The following SLIT3 variants were observed in gnomAD, a reference collection of about 807,000 sequenced individuals.
SLIT3 encodes the protein slit guidance ligand 3, also known as slit homolog 3 protein.
SLIT3 carries 68 observed loss-of-function variants against 184.0 expected under a neutral mutation model. That is an observed-to-expected ratio of 0.37 (90% confidence interval 0.30 to 0.45). The LOEUF (loss-of-function observed/expected upper bound fraction) is 0.45. Ranked by LOEUF, SLIT3 falls within the 20% of genes least tolerant of loss-of-function variation. The pLI is 1.00. For synonymous variants in SLIT3, 831 were observed against 828.6 expected (o/e 1.00, Z -0.05); for missense variants, 1,707 against 2,026.0 (o/e 0.84, Z 3.02).
At chr5:168,875,289 A>G (rs1759691048) in intron 5 of SLIT3, among the ~76,000 whole-genome samples, 1 of 151,556 alleles carries the variant, frequency 6.6e-6, no homozygotes, top group South Asian at 2.1e-4. Flanking sequence ...ACAGGAAAGA[A>G]GGGAGGGAGA....
rs577099759 is a variant in SLIT3 at position 169,082,994 on chromosome 5, A to G, written c.413+110485T>C. Among the ~76,000 whole-genome samples the G allele has an allele frequency of 4.6e-5, 7 of 152,258 alleles. No homozygotes were observed. The South Asian group carries it at 1.2e-3, about 27-fold the overall frequency. ...TCCAAAGCAAATAAAGTGATCACAG[A>G]ATCTGAAACACTGATCTTTATTAAA... On this transcript the variant is annotated intron_variant, in intron 4 of 35. Coordinates refer to ENST00000519560, the MANE Select transcript of SLIT3 (RefSeq NM_003062.4).
At chr5:168,947,731 G>T (rs1762526997) in intron 4 of SLIT3, among the ~76,000 whole-genome samples, 1 of 152,164 alleles carries the variant, frequency 6.6e-6, no homozygotes, top group South Asian at 2.1e-4. Context: ...CAAGGGCTGG[G>T]GCTGGGCAAT....
intron 4 of SLIT3, among the ~76,000 whole-genome samples, chr5:168,889,824 T>C (rs1760376466): frequency 6.6e-6 from 1 of 152,122 alleles, no homozygotes; most frequent in Non-Finnish European, 1.5e-5. Flanking sequence ...CTTCTACAAA[T>C]ATAAAATAAA....
chr5:169,177,884 A>G (rs1763032734), intron 4 of SLIT3, among the ~76,000 whole-genome samples: 1 of 152,152 alleles, frequency 6.6e-6, no homozygotes, highest in African/African-American at 2.4e-5. Flanking sequence ...CAACAGCAGG[A>G]TGGAATCCTT....
chr5:168,749,053 G>A (rs138700985), intron 19 of SLIT3, among the ~76,000 whole-genome samples: 1 of 152,304 alleles, frequency 6.6e-6, no homozygotes, highest in Non-Finnish European at 1.5e-5. Flanking sequence ...CAGGAAGACT[G>A]AGGCCAGGGC....
chr5:168,682,930 A>T (rs972271306), intron 32 of SLIT3, among the ~76,000 whole-genome samples: 2 of 152,078 alleles, frequency 1.3e-5, no homozygotes, highest in Admixed American at 6.6e-5. Context: ...TTTTATTACT[A>T]TTATAAAAAT....
At chr5:168,739,435 T>C (rs888987663) in intron 20 of SLIT3, among the ~76,000 whole-genome samples, 1 of 151,678 alleles carries the variant, frequency 6.6e-6, no homozygotes, top group Non-Finnish European at 1.5e-5. Flanking sequence ...TCTTTTTTTT[T>C]TTTTTGAGAT....
At chr5:168,833,034 T>TA (rs1304219624) in intron 6 of SLIT3, among the ~76,000 whole-genome samples, 8 of 152,246 alleles carry the variant, frequency 5.3e-5, no homozygotes. Flanking sequence ...AGTGATGAAT[T>TA]ATCTTTAAAT....
Position 168,707,965 on chromosome 5 carries a change from C to T in SLIT3, c.2844+11G>A, listed in dbSNP as rs1762427509. On this transcript the variant is annotated intron_variant, in intron 26 of 35. Coordinates refer to ENST00000519560, the MANE Select transcript of SLIT3 (RefSeq NM_003062.4). ...AGGCATGAACACGGGGGGGCAGGGC[C>T]TCCAGCATACCTTGTAGCTGTAGGG... 2 of 1,613,934 alleles carry T rather than the reference C, an allele frequency of 1.2e-6. No homozygotes were observed. The highest frequency in any genetic ancestry group is 1.3e-5 in the African/African-American group (1 of 74,938).
At chr5:169,229,718 T>C (rs1764933652) in intron 3 of SLIT3, among the ~76,000 whole-genome samples, 1 of 151,820 alleles carries the variant, frequency 6.6e-6, no homozygotes. Context: ...AGAGGAGCAG[T>C]GCTGAAATCA....
chr5:169,074,924 G>T (rs931344563), intron 4 of SLIT3, among the ~76,000 whole-genome samples: 1 of 152,096 alleles, frequency 6.6e-6, no homozygotes, highest in Admixed American at 6.5e-5. Context: ...AAGACAGAAG[G>T]TGCACTCTGG....
rs1761016606 is a variant in SLIT3 at position 168,665,819 on chromosome 5, G to T, written c.*635C>A. The T allele has an allele frequency of 6.6e-6, 1 of 152,332 alleles. No homozygotes were observed. The highest frequency in any genetic ancestry group is 2.1e-4 in the South Asian group (1 of 4,834). The allele number at this position is 152,332 out of a possible 1,614,324, so 9.4% of individuals were successfully genotyped here. A position where few individuals can be genotyped will look rare whatever the true frequency, so the allele number is the denominator to read the frequency against. On this transcript the variant is annotated 3_prime_UTR_variant, in exon 36 of 36. Coordinates refer to ENST00000519560, the MANE Select transcript of SLIT3 (RefSeq NM_003062.4). ...ACAGGGACAGCAATATTTTTGAGTG[G>T]CAGTGAGACTGAGAAGGCCAGGGCT...
At chr5:169,039,718 T>C (rs1757383455) in intron 4 of SLIT3, among the ~76,000 whole-genome samples, 1 of 152,190 alleles carries the variant, frequency 6.6e-6, no homozygotes, top group African/African-American at 2.4e-5. Flanking sequence ...TGACTTGACA[T>C]ATGACATGAT....
chr5:168,714,927 A>G (rs1407049260), intron 23 of SLIT3, among the ~76,000 whole-genome samples: 3 of 152,234 alleles, frequency 2.0e-5, no homozygotes, highest in Non-Finnish European at 4.4e-5. Context: ...TGAGGGCACC[A>G]TCAGGGCAAC....
At chr5:169,158,785 T>C (rs1762386552) in intron 4 of SLIT3, among the ~76,000 whole-genome samples, 2 of 152,144 alleles carry the variant, frequency 1.3e-5, no homozygotes, top group Admixed American at 6.5e-5. Flanking sequence ...ATATAATACC[T>C]AGAGGCACTA....
At chr5:169,074,846 C>T (rs1758679776) in intron 4 of SLIT3, among the ~76,000 whole-genome samples, 1 of 152,098 alleles carries the variant, frequency 6.6e-6, no homozygotes, top group African/African-American at 2.4e-5. Flanking sequence ...GGACAAGGCC[C>T]CCAAGGGCTC....
chr5:168,753,437 G>T (rs1186155824), intron 17 of SLIT3, among the ~76,000 whole-genome samples: 1 of 152,190 alleles, frequency 6.6e-6, no homozygotes, highest in African/African-American at 2.4e-5. Flanking sequence ...ACATCAGCTT[G>T]TATGTATGTG....
At chr5:168,776,113 A>G (rs1755738171) in intron 12 of SLIT3, among the ~76,000 whole-genome samples, 3 of 152,172 alleles carry the variant, frequency 2.0e-5, no homozygotes, top group Admixed American at 2.0e-4. Context: ...CATGAGATGG[A>G]TGCCGGGCTG....
At chr5:169,263,193 C>G (rs192143032) in intron 1 of SLIT3, among the ~76,000 whole-genome samples, 9 of 152,132 alleles carry the variant, frequency 5.9e-5, no homozygotes, top group Admixed American at 5.2e-4. Flanking sequence ...AAAGAGAAAA[C>G]CAGCCAGGCA....
Sources: allele counts gnomAD v4.1 joint callset (sites outside exome capture counted in the v4.1 genomes callset), GRCh38; gene constraint gnomAD v4.1.1; transcripts MANE v1.5; gene names NCBI Gene and HGNC (gene_info 2026-07-23, HGNC 2026-07-21).